The following CDH23 variants were observed in gnomAD, a reference collection of about 807,000 sequenced individuals.
CDH23 encodes cadherin-23.
In CDH23, 189 loss-of-function variants were observed where a neutral mutation model predicts 317.1. That is an observed-to-expected ratio of 0.60 (90% CI 0.53 to 0.67). The LOEUF is 0.67. Ranked by LOEUF, CDH23 falls within the 30% of genes least tolerant of loss-of-function variation. The pLI is 0.00. For missense variants in CDH23, 4,401 were observed against 4,592.4 expected, an observed-to-expected ratio of 0.96 and a Z score of 1.20; for synonymous variants, 1,839 against 1,876.8, an observed-to-expected ratio of 0.98 and a Z score of 0.52.
intron 14 of CDH23, among the ~76,000 whole-genome samples, chr10:71,667,359 A>AGAGAGAGAGGGTGTGTGTGT (rs58361666): frequency 8.9e-6 from 1 of 112,080 alleles, no homozygotes; most frequent in Non-Finnish European, 1.7e-5. Context: ...AGAGAGAGAG[A>AGAGAGAGAGGGTGTGTGTGT]GTGTGTGTGT....
intron 9 of CDH23, among the ~76,000 whole-genome samples, chr10:71,597,007 C>T (rs951726454): frequency 6.6e-6 from 1 of 152,214 alleles, no homozygotes; most frequent in Non-Finnish European, 1.5e-5. Context: ...AAAGTAATCC[C>T]CAGCACACTC....
At chr10:71,552,133 CA>C (rs1856631594) in intron 6 of CDH23, among the ~76,000 whole-genome samples, 2 of 152,298 alleles carry the variant, frequency 1.3e-5, no homozygotes, top group South Asian at 4.2e-4. Flanking sequence ...GCTAGGCCCA[CA>C]GATGCAGGAG....
At chr10:71,716,285 G>A (rs1279074020) in intron 28 of CDH23, 7 of 1,528,262 alleles carry the variant, frequency 4.6e-6, no homozygotes, top group Non-Finnish European at 6.2e-6. Context: ...TGAGAGAAAG[G>A]CGAGGGGGCT....
chr10:71,734,719 C>T, intron 34 of CDH23, 61 bp downstream of exon 34: 1 of 1,144,972 alleles, frequency 8.7e-7, no homozygotes, highest in South Asian at 1.2e-5. Flanking sequence ...GCTGGCCGGG[C>T]TCTGCCTGGC....
chr10:71,453,859 G>A (rs181028345), intron 3 of CDH23, among the ~76,000 whole-genome samples: 2 of 152,352 alleles, frequency 1.3e-5, no homozygotes, highest in Admixed American at 6.5e-5. Flanking sequence ...CTGGGTGTGT[G>A]CTGTCTGCAT....
intron 38 of CDH23, among the ~76,000 whole-genome samples, chr10:71,774,319 C>T (rs1327489584): frequency 6.6e-6 from 1 of 152,144 alleles, no homozygotes; most frequent in Non-Finnish European, 1.5e-5. Flanking sequence ...CTTGCACCCA[C>T]ACCCAGCACT....
chr10:71,812,931 G>A, intron 68 of CDH23, 41 bp downstream of exon 68: 2 of 1,607,394 alleles, frequency 1.2e-6, no homozygotes, highest in African/African-American at 1.3e-5. Context: ...TCCCTTGGCT[G>A]AGGTTGGACC....
intron 18 of CDH23, among the ~76,000 whole-genome samples, chr10:71,685,570 G>C (rs1864840138): frequency 6.6e-6 from 1 of 152,242 alleles, no homozygotes; most frequent in Non-Finnish European, 1.5e-5. Context: ...CACTTGGGAA[G>C]CCAGGGTGTG....
intron 1 of CDH23, among the ~76,000 whole-genome samples, chr10:71,415,826 T>C (rs1486654049): frequency 2.6e-5 from 4 of 152,244 alleles, no homozygotes; most frequent in Non-Finnish European, 4.4e-5. Context: ...CAGTTGTTTT[T>C]AAGCTTAATT....
chr10:71,523,989 C>T (rs1033007235), intron 6 of CDH23, among the ~76,000 whole-genome samples: 6 of 152,230 alleles, frequency 3.9e-5, no homozygotes, highest in Admixed American at 2.6e-4. Flanking sequence ...GAACACATCA[C>T]CCTCCCCGTT....
In CDH23 at chr10:71,408,300, A is replaced by ATGTG. The variant is rs1848201905; in HGVS notation, c.-6+10984_-6+10985insTGTG. On this transcript the variant is annotated intron_variant, in intron 1 of 69. Transcript: ENST00000224721. ...AGACAAAGCATGGCCCTTGTCCCCC[A>ATGTG]TGAGCTCTCACACTTATTCAGAGTG... 2.0e-5 allele frequency among the ~76,000 whole-genome samples: 3 copies of ATGTG among 152,296 alleles called. No homozygotes were observed. The South Asian group carries it at 6.2e-4, about 32-fold the overall frequency.
intron 6 of CDH23, among the ~76,000 whole-genome samples, chr10:71,535,475 G>A (rs1855649361): frequency 6.6e-6 from 1 of 152,196 alleles, no homozygotes; most frequent in African/African-American, 2.4e-5. Context: ...ACTGTAGAAG[G>A]TTTCGCTCCA....
chr10:71,634,175 G>A (rs1206875400), intron 11 of CDH23, among the ~76,000 whole-genome samples: 1 of 152,252 alleles, frequency 6.6e-6, no homozygotes, highest in Non-Finnish European at 1.5e-5. Context: ...CAGAGGGCTG[G>A]AGACCCAGGA....
At chr10:71,713,000 G>T (rs1158055735) in intron 28 of CDH23, 187 bp downstream of exon 28, 1 of 776,750 alleles carries the variant, frequency 1.3e-6, no homozygotes, top group Non-Finnish European at 2.2e-6. Flanking sequence ...GGGAGTGTGG[G>T]CCCCCAGGTT....
intron 17 of CDH23, among the ~76,000 whole-genome samples, chr10:71,681,338 C>T (rs566437494): frequency 6.6e-6 from 1 of 152,256 alleles, no homozygotes; most frequent in African/African-American, 2.4e-5. Flanking sequence ...ACCTTCCCTC[C>T]CCAGTTGAGA....
At chr10:71,446,898 G>T (rs894597505) in intron 3 of CDH23, among the ~76,000 whole-genome samples, 1 of 152,176 alleles carries the variant, frequency 6.6e-6, no homozygotes, top group African/African-American at 2.4e-5. Context: ...TACATCTGTG[G>T]CCCCATTGTC....
At chr10:71,497,223 A>G (rs7068888) in intron 3 of CDH23, among the ~76,000 whole-genome samples, 2,600 of 152,300 alleles carry the variant, frequency 0.017, 60 homozygotes, top group African/African-American at 0.054. Context: ...TGATAATGTC[A>G]AGTTCAATTT....
chr10:71,626,951 G>GC (rs1861762210), intron 11 of CDH23, among the ~76,000 whole-genome samples: 1 of 152,192 alleles, frequency 6.6e-6, no homozygotes, highest in Admixed American at 6.5e-5. Flanking sequence ...ATGCAGAGAA[G>GC]TGGGGGTCTT....
chr10:71,638,033 C>T (rs1450312916), intron 11 of CDH23, among the ~76,000 whole-genome samples: 2 of 152,130 alleles, frequency 1.3e-5, no homozygotes, highest in Non-Finnish European at 2.9e-5. Context: ...ACACAAGGTC[C>T]CTGCCATAGG....
Sources: allele counts gnomAD v4.1 joint callset (sites outside exome capture counted in the v4.1 genomes callset), GRCh38; gene constraint gnomAD v4.1.1; transcripts MANE v1.5; gene names NCBI Gene and HGNC (gene_info 2026-07-23, HGNC 2026-07-21).